MCC: variants seen among roughly 807,000 people sequenced by gnomAD.
MCC encodes the protein colorectal mutant cancer protein.
A neutral mutation model predicts 116.2 loss-of-function variants in MCC; 90 were observed. That is an observed-to-expected ratio of 0.77 (90% CI 0.65 to 0.92). MCC has a LOEUF of 0.92. MCC is among the 40% of genes least tolerant of loss of function. The pLI, the probability that MCC is intolerant of heterozygous loss-of-function variation, is 0.00. For missense variants in MCC, 1,516 were observed against 1,312.2 expected, an observed-to-expected ratio of 1.16 and a Z score of -2.40; for synonymous variants, 578 against 510.5, an observed-to-expected ratio of 1.13 and a Z score of -1.78.
intron 3 of MCC, among the ~76,000 whole-genome samples, chr5:113,246,326 T>A (rs901323701): frequency 3.9e-5 from 6 of 152,134 alleles, no homozygotes; most frequent in Non-Finnish European, 7.3e-5. Flanking sequence ...AGCTGAAAAG[T>A]TCATCTTTTT....
rs1767687321 is a variant in MCC at position 113,331,146 on chromosome 5, G to GCATCACCAGCTCTCACATTTGTGTAA, written c.627+9372_627+9373insTTACACAAATGTGAGAGCTGGTGATG. On this transcript the variant is annotated intron_variant, in intron 3 of 18. Transcript: ENST00000408903. Reference sequence around the variant, plus strand: ...AGATGCTGAACTGTGGAGAGGTTCTGGGTTCCTGGCAGAGGGACTAGGTAG... The same window carrying GCATCACCAGCTCTCACATTTGTGTAA: ...AGATGCTGAACTGTGGAGAGGTTCTGCATCACCAGCTCTCACATTTGTGTAAGGTTCCTGGCAGAGGGACTAGGTAG... 1.9e-4 allele frequency among the ~76,000 whole-genome samples: 29 copies of GCATCACCAGCTCTCACATTTGTGTAA among 152,034 alleles called. 1 individual carries two copies. Among genetic ancestry groups the GCATCACCAGCTCTCACATTTGTGTAA allele is most frequent in the African/African-American group, 6.8e-4 (28 of 41,306 alleles).
intron 1 of MCC, among the ~76,000 whole-genome samples, chr5:113,421,426 C>T (rs985467311): frequency 2.6e-5 from 4 of 152,146 alleles, no homozygotes; most frequent in South Asian, 2.1e-4. Context: ...GAAAATAAAA[C>T]TCTTTAATTT....
At position 113,026,545 on chromosome 5, in the gene MCC, TGA is replaced by T. The variant is rs1750564895; in HGVS notation, c.*755_*756del. 1.3e-5 allele frequency: 2 copies of T among 152,210 alleles called. No homozygotes were observed. The highest frequency in any genetic ancestry group is 2.9e-5 in the Non-Finnish European group (2 of 68,038). The allele number at this position is 152,210 out of a possible 1,614,324, so 9.4% of individuals were successfully genotyped here. A position where few individuals can be genotyped will look rare whatever the true frequency, so the allele number is the denominator to read the frequency against. Reference sequence around the variant, plus strand: ...GTCTTGGATATTAATAAGGCTCCACTGAGAGGGAGAAATCCCAGAATCAAGAG... The same window carrying T: ...GTCTTGGATATTAATAAGGCTCCACTGAGGGAGAAATCCCAGAATCAAGAG... On this transcript the variant is annotated 3_prime_UTR_variant, in exon 19 of 19. Transcript: ENST00000408903.
intron 2 of MCC, among the ~76,000 whole-genome samples, chr5:113,370,424 A>G (rs566432048): frequency 1.3e-5 from 2 of 152,330 alleles, no homozygotes; most frequent in African/African-American, 4.8e-5. Context: ...ACGTCACAAA[A>G]CTAGATAATA....
intron 3 of MCC, among the ~76,000 whole-genome samples, chr5:113,299,693 C>T (rs1024826230): frequency 6.6e-6 from 1 of 152,204 alleles, no homozygotes; most frequent in Non-Finnish European, 1.5e-5. Context: ...TCCTGTTATA[C>T]TGTGGCTGCC....
chr5:113,435,604 G>C (rs1385986684), intron 1 of MCC: 1 of 152,480 alleles, frequency 6.6e-6, no homozygotes, highest in Non-Finnish European at 1.5e-5. Context: ...AAGAAGAGTG[G>C]TGTGTCAAGA....
chr5:113,257,736 G>T (rs947739766), intron 3 of MCC, among the ~76,000 whole-genome samples: 3 of 152,138 alleles, frequency 2.0e-5, no homozygotes, highest in Non-Finnish European at 4.4e-5. Context: ...GTGGGTGTGT[G>T]AAAGAAGAGT....
intron 1 of MCC, among the ~76,000 whole-genome samples, chr5:113,463,252 T>A (rs778537833): frequency 1.3e-5 from 2 of 152,102 alleles, no homozygotes; most frequent in African/African-American, 2.4e-5. Flanking sequence ...GAATTATGAC[T>A]CACTTGAAGG....
chr5:113,388,512 G>T (rs149608219), intron 1 of MCC, among the ~76,000 whole-genome samples: 131 of 152,242 alleles, frequency 8.6e-4, no homozygotes, highest in Non-Finnish European at 1.4e-3. Context: ...TCCCCTTGGT[G>T]ATGAGTGAGT....
At chr5:113,270,265 G>A (rs1410685833) in intron 3 of MCC, among the ~76,000 whole-genome samples, 2 of 151,978 alleles carry the variant, frequency 1.3e-5, no homozygotes, top group African/African-American at 2.4e-5. Flanking sequence ...TGAATAATAC[G>A]GCTGTTCATC....
chr5:113,173,287 A>G (rs1761166486), intron 3 of MCC, among the ~76,000 whole-genome samples: 1 of 152,042 alleles, frequency 6.6e-6, no homozygotes. Flanking sequence ...CATTTTTTAA[A>G]CCTTTTATTC....
chr5:113,361,218 T>G (rs1351478217), intron 2 of MCC, among the ~76,000 whole-genome samples: 1 of 151,182 alleles, frequency 6.6e-6, no homozygotes, highest in Non-Finnish European at 1.5e-5. Context: ...TTTTTTTTAC[T>G]TAACATTCTT....
intron 1 of MCC, among the ~76,000 whole-genome samples, chr5:113,463,005 T>C (rs1771788093): frequency 6.6e-6 from 1 of 151,908 alleles, no homozygotes; most frequent in Non-Finnish European, 1.5e-5. Flanking sequence ...AAGAAGATAA[T>C]AATAAAAGAA....
At chr5:113,215,799 T>G (rs1201053899) in intron 3 of MCC, among the ~76,000 whole-genome samples, 1 of 152,228 alleles carries the variant, frequency 6.6e-6, no homozygotes. Flanking sequence ...CCATTACCTC[T>G]CCCTTCACTA....
At chr5:113,049,395 AC>A in intron 15 of MCC, 96 bp from the exon 16 acceptor site, 1 of 987,890 alleles carries the variant, frequency 1.0e-6, no homozygotes, top group Non-Finnish European at 1.5e-6. Flanking sequence ...CCCGGCTATG[AC>A]CCACAGGCCC....
chr5:113,190,576 A>C (rs570789937), intron 3 of MCC, among the ~76,000 whole-genome samples: 1 of 152,342 alleles, frequency 6.6e-6, no homozygotes, highest in Admixed American at 6.5e-5. Flanking sequence ...ATGTAGAGCT[A>C]TTCAGTATTA....
intron 3 of MCC, among the ~76,000 whole-genome samples, chr5:113,170,508 C>T (rs1761017054): frequency 6.6e-6 from 1 of 152,064 alleles, no homozygotes; most frequent in South Asian, 2.1e-4. Context: ...TGCACACCCA[C>T]CCATGTCCCT....
chr5:113,233,679 G>A (rs145843506), intron 3 of MCC, among the ~76,000 whole-genome samples: 2 of 152,244 alleles, frequency 1.3e-5, no homozygotes, highest in East Asian at 3.9e-4. Context: ...CCAGCCAGAT[G>A]GCAACAGCAT....
At chr5:113,153,809 G>A (rs1287293190) in intron 3 of MCC, among the ~76,000 whole-genome samples, 3 of 152,202 alleles carry the variant, frequency 2.0e-5, no homozygotes, top group Non-Finnish European at 2.9e-5. Context: ...ACAGATGTCT[G>A]AGTGGGGAAA....
Sources: gnomAD v4.1 joint callset for allele counts (sites outside exome capture counted in the v4.1 genomes callset) on GRCh38, gnomAD v4.1.1 for gene constraint, MANE v1.5 for transcripts, NCBI Gene and HGNC (gene_info 2026-07-23, HGNC 2026-07-21) for gene names.